The following FYN variants were observed in gnomAD, a reference collection of about 807,000 sequenced individuals.
FYN encodes the protein tyrosine-protein kinase Fyn.
Under a neutral mutation model 70.2 loss-of-function variants are expected in FYN, and 10 were observed. The observed-to-expected ratio is 0.14, with a 90% CI of 0.09 to 0.24. FYN has a LOEUF of 0.24. Among genes scored for constraint, FYN ranks in the 10% least tolerant of loss-of-function variants. The probability of loss-of-function intolerance (pLI) is 1.00; values close to 1 mark genes in which losing one functional copy is unlikely to be tolerated. For missense variants in FYN, 319 were observed against 673.1 expected (o/e 0.47, Z 5.82); for synonymous variants, 236 against 248.6 (o/e 0.95, Z 0.48).
At chr6:111,776,686 G>A (rs756782945) in intron 3 of FYN, among the ~76,000 whole-genome samples, 5 of 152,108 alleles carry the variant, frequency 3.3e-5, no homozygotes, top group South Asian at 2.1e-4. Flanking sequence ...CCTAGAAGCC[G>A]GGTGAGTGCA....
intron 1 of FYN, among the ~76,000 whole-genome samples, chr6:111,862,835 T>C (rs746149925): frequency 5.3e-5 from 8 of 151,946 alleles, no homozygotes; most frequent in Admixed American, 2.0e-4. Flanking sequence ...CTTTTGAGAG[T>C]TGGGATTCCA....
At chr6:111,706,326 A>T (rs1379226566) in intron 6 of FYN, among the ~76,000 whole-genome samples, 1 of 152,256 alleles carries the variant, frequency 6.6e-6, no homozygotes, top group Non-Finnish European at 1.5e-5. Flanking sequence ...AAGAATCCAG[A>T]TTCTAAAATG....
chr6:111,840,569 T>A (rs2114454656), intron 2 of FYN, among the ~76,000 whole-genome samples: 1 of 152,344 alleles, frequency 6.6e-6, no homozygotes, highest in South Asian at 2.1e-4. Flanking sequence ...ATCAAGTTTG[T>A]GGTAATTTGT....
chr6:111,704,445 C>T lies in FYN; in HGVS notation c.444-343G>A, dbSNP rs753975017. Among the ~76,000 whole-genome samples the T allele has an allele frequency of 2.0e-5, 3 of 152,204 alleles. No individual in the cohort carries two copies. The East Asian group carries it at 5.8e-4, about 29-fold the overall frequency. Reference sequence around the variant, plus strand: ...TTTGAAATGGTTACTGCAGGAGACCCTTTCCACACTTATCTAAAAGACTCT... The same window carrying T: ...TTTGAAATGGTTACTGCAGGAGACCTTTTCCACACTTATCTAAAAGACTCT... On this transcript the variant is annotated intron_variant, in intron 6 of 13. Transcript: ENST00000354650.
At chr6:111,707,827 A>T in intron 6 of FYN, 95 bp downstream of exon 6, 9 of 966,588 alleles carry the variant, frequency 9.3e-6, no homozygotes, top group Non-Finnish European at 1.5e-5. Context: ...CACTGCTGTG[A>T]ATTTCTTCTC....
intron 3 of FYN, among the ~76,000 whole-genome samples, chr6:111,765,112 C>T (rs951364324): frequency 1.3e-5 from 2 of 151,982 alleles, no homozygotes; most frequent in Non-Finnish European, 2.9e-5. Context: ...AGGCCAGGAA[C>T]GAATGCTTGT....
intron 13 of FYN, among the ~76,000 whole-genome samples, chr6:111,669,383 C>T (rs1277317745): frequency 1.5e-5 from 2 of 135,660 alleles, no homozygotes; most frequent in Non-Finnish European, 3.0e-5. Flanking sequence ...TGCAGTGAAC[C>T]GAGATCATGC....
At chr6:111,798,560 G>A (rs1237311923) in intron 2 of FYN, 1 of 152,318 alleles carries the variant, frequency 6.6e-6, no homozygotes, top group Non-Finnish European at 1.5e-5. Flanking sequence ...GCTGACATTT[G>A]TCCTACATAC....
intron 2 of FYN, among the ~76,000 whole-genome samples, chr6:111,825,588 G>A (rs116914672): frequency 0.033 from 5,080 of 152,302 alleles, 100 homozygotes; most frequent in Middle Eastern, 0.082. Context: ...ACACATGGTC[G>A]TGTGAGGGAA....
intron 2 of FYN, among the ~76,000 whole-genome samples, chr6:111,842,042 C>T (rs1773376460): frequency 1.3e-5 from 2 of 152,040 alleles, no homozygotes; most frequent in Admixed American, 1.3e-4. Flanking sequence ...CTTTCTCTCC[C>T]TGCCCGCAAG....
intron 2 of FYN, among the ~76,000 whole-genome samples, chr6:111,824,647 C>CT (rs1772776829): frequency 6.6e-6 from 1 of 152,174 alleles, no homozygotes; most frequent in Non-Finnish European, 1.5e-5. Flanking sequence ...TTGCTTTACT[C>CT]TCCCCCAGTC....
intron 13 of FYN, among the ~76,000 whole-genome samples, chr6:111,668,616 G>A (rs1798116586): frequency 6.6e-6 from 1 of 151,772 alleles, no homozygotes; most frequent in Non-Finnish European, 1.5e-5. Context: ...ACTGGGGGCC[G>A]AAAGTCCCTC....
intron 2 of FYN, among the ~76,000 whole-genome samples, chr6:111,792,681 T>G (rs962840044): frequency 1.1e-4 from 17 of 152,216 alleles, no homozygotes; most frequent in African/African-American, 3.9e-4. Context: ...CTAAATATAA[T>G]GTTATTCTAT....
chr6:111,817,953 G>C (rs1054708464), intron 2 of FYN, among the ~76,000 whole-genome samples: 1 of 152,302 alleles, frequency 6.6e-6, no homozygotes, highest in South Asian at 2.1e-4. Flanking sequence ...GAAAGCAAGA[G>C]TCAGGGCCAA....
chr6:111,814,924 C>T (rs1329239154), intron 2 of FYN, among the ~76,000 whole-genome samples: 1 of 152,144 alleles, frequency 6.6e-6, no homozygotes, highest in Non-Finnish European at 1.5e-5. Context: ...AAATGTAATT[C>T]CTGGATAATC....
chr6:111,692,628 G>A (rs2128432910), intron 12 of FYN, among the ~76,000 whole-genome samples: 1 of 152,334 alleles, frequency 6.6e-6, no homozygotes, highest in East Asian at 1.9e-4. Flanking sequence ...ACCCTGTAGA[G>A]TTCAAAGTCC....
intron 6 of FYN, among the ~76,000 whole-genome samples, chr6:111,705,437 G>C (rs1268150504): frequency 6.7e-6 from 1 of 149,614 alleles, no homozygotes; most frequent in African/African-American, 2.5e-5. Context: ...CCAGGCTGGA[G>C]TGCAGTGGCA....
In FYN at chr6:111,866,502, G is replaced by A. The variant is rs373431158; in HGVS notation, c.-123+6466C>T. On this transcript the variant is annotated intron_variant, in intron 1 of 13. Transcript: ENST00000354650. ...GATTACAGGCCTGTGCCACCACACC[G>A]GGCTAATTTTTGTATTTTTAGTAGA... 7.9e-5 allele frequency among the ~76,000 whole-genome samples: 12 copies of A among 152,218 alleles called. No individual in the cohort carries two copies. In the East Asian group the frequency reaches 9.7e-4, roughly 12 times the overall value.
chr6:111,746,301 C>T (rs1305624168), intron 3 of FYN, among the ~76,000 whole-genome samples: 1 of 152,088 alleles, frequency 6.6e-6, no homozygotes, highest in Non-Finnish European at 1.5e-5. Flanking sequence ...TTTTCATCAC[C>T]CTAGAAAGAT....
Sources: allele counts gnomAD v4.1 joint callset (sites outside exome capture counted in the v4.1 genomes callset), GRCh38; gene constraint gnomAD v4.1.1; transcripts MANE v1.5; gene names NCBI Gene and HGNC (gene_info 2026-07-23, HGNC 2026-07-21).